Variants in RPS15A observed in about 807,000 individuals in gnomAD.
RPS15A encodes the protein small ribosomal subunit protein uS8.
For missense variants in RPS15A, 62 were observed against 163.4 expected, an observed-to-expected ratio of 0.38 and a Z score of 3.38; for synonymous variants, 55 against 58.5, an observed-to-expected ratio of 0.94 and a Z score of 0.27.
At chr16:18,788,752 T>TA in intron 2 of RPS15A, 1 of 480,338 alleles carries the variant, frequency 2.1e-6, no homozygotes, top group Non-Finnish European at 3.8e-6. Flanking sequence ...TTCAATGACT[T>TA]AGATTCATTT....
Position 18,782,629 on chromosome 16 carries a change from G to GCTGA in RPS15A, c.*379_*380insTCAG, listed in dbSNP as rs1903982809. On this transcript the variant is annotated 3_prime_UTR_variant, in exon 5 of 5. Coordinates refer to ENST00000322989, the MANE Select transcript of RPS15A (RefSeq NM_001019.5). ...CCCAGTTACTCAGGCGGCTGAGACA[G>GCTGA]GACAATCACTTGAACCCGGGAGGTG... is the stretch of plus-strand genomic sequence containing the variant. 2 of 160,570 alleles carry GCTGA rather than the reference G, an allele frequency of 1.2e-5. No individual in the cohort carries two copies. The highest frequency in any genetic ancestry group is 3.2e-4 in the South Asian group (2 of 6,310). 9.9% of individuals were successfully genotyped at this position (160,570 alleles called of 1,614,324 possible). A position where few individuals can be genotyped will look rare whatever the true frequency, so the allele number is the denominator to read the frequency against.
Position 18,788,190 on chromosome 16 carries a change from G to T in RPS15A, c.134-48C>A, listed in dbSNP as rs752717265. The T allele has an allele frequency of 3.4e-6, 4 of 1,186,502 alleles. No homozygotes were observed. The South Asian group carries it at 3.6e-5, about 11-fold the overall frequency. The allele number at this position is 1,186,502 out of a possible 1,614,324, so 73.5% of individuals were successfully genotyped here. A position where few individuals can be genotyped will look rare whatever the true frequency, so the allele number is the denominator to read the frequency against. On this transcript the variant is annotated intron_variant, in intron 2 of 4. Transcript: ENST00000322989. ...TTAAATAAAAGACATCAACTTGAGAGCTAAACCTCTGTGCTCTAGCCTACT... is the reference window on the plus strand; with the variant it reads ...TTAAATAAAAGACATCAACTTGAGATCTAAACCTCTGTGCTCTAGCCTACT...
intron 3 of RPS15A, among the ~76,000 whole-genome samples, chr16:18,787,826 C>A (rs181352600): frequency 6.6e-6 from 1 of 152,196 alleles, no homozygotes; most frequent in Non-Finnish European, 1.5e-5. Flanking sequence ...TTTCACCCCC[C>A]ATCTCTCCTG....
intron 4 of RPS15A, 157 bp downstream of exon 4, chr16:18,784,581 A>G: frequency 1.6e-6 from 1 of 617,124 alleles, no homozygotes; most frequent in South Asian, 2.1e-5. Flanking sequence ...GAAAAGAAAT[A>G]TGGATAACAC....
At chr16:18,783,529 C>T (rs73541339) in intron 4 of RPS15A, 11,846 of 387,236 alleles carry the variant, frequency 0.031, 1,214 homozygotes, top group African/African-American at 0.22. Flanking sequence ...TGAGTGGCTG[C>T]TTCATGAGTT....
intron 2 of RPS15A, 196 bp downstream of exon 2, chr16:18,788,785 C>T: frequency 1.8e-6 from 1 of 556,994 alleles, no homozygotes; most frequent in Non-Finnish European, 3.2e-6. Context: ...CCTAGCAGAG[C>T]TCCTTTTTCC....
Position 18,783,131 on chromosome 16 carries a change from A to G in RPS15A, c.300-29T>C, listed in dbSNP as rs147186474. The G allele has an allele frequency of 2.9e-3, 4,190 of 1,455,592 alleles. 9 individuals carry two copies. Among genetic ancestry groups the G allele is most frequent in the Non-Finnish European group, 3.3e-3 (3,418 of 1,039,790 alleles). The allele number at this position is 1,455,592 out of a possible 1,614,324, so 90.2% of individuals were successfully genotyped here. A position where few individuals can be genotyped will look rare whatever the true frequency, so the allele number is the denominator to read the frequency against. ...TGGAGTGGAAAAAGAAAGTGCTGGT[A>G]AGTTTAATAGTTCAACATAGTGCCT... On this transcript the variant is annotated intron_variant, in intron 4 of 4. Transcript: ENST00000322989.
At chr16:18,787,253 G>GGGAGAGAA (rs1567287745) in intron 3 of RPS15A, among the ~76,000 whole-genome samples, 1 of 152,212 alleles carries the variant, frequency 6.6e-6, no homozygotes, top group Non-Finnish European at 1.5e-5. Context: ...GGGTGTCCAA[G>GGGAGAGAA]GGAGAGAATA....
intron 4 of RPS15A, chr16:18,783,945 C>G (rs964396422): frequency 6.4e-6 from 2 of 312,032 alleles, no homozygotes; most frequent in African/African-American, 4.3e-5. Context: ...AGGCTTAGAA[C>G]TGATTCTGGC....
intron 3 of RPS15A, chr16:18,786,296 C>T (rs924611386): frequency 9.3e-5 from 18 of 193,170 alleles, no homozygotes; most frequent in African/African-American, 3.1e-4. Context: ...ACCTGGGAGA[C>T]AGAGGTTGCA....
intron 1 of RPS15A, 73 bp from the exon 2 acceptor site, chr16:18,789,191 G>C: frequency 2.1e-6 from 3 of 1,429,232 alleles, no homozygotes; most frequent in Non-Finnish European, 2.8e-6. Flanking sequence ...ATTACACTGC[G>C]GAAGTATCCT....
At chr16:18,784,524 G>T (rs1030724276) in intron 4 of RPS15A, 15 of 487,688 alleles carry the variant, frequency 3.1e-5, no homozygotes, top group Non-Finnish European at 5.1e-5. Flanking sequence ...AGGATCACAG[G>T]CGTGAGCCAC....
rs1903975280 is a variant in RPS15A at position 18,782,204 on chromosome 16, C to T, written c.*805G>A. 1.9e-5 allele frequency: 2 copies of T among 105,458 alleles called. No homozygotes were observed. Among genetic ancestry groups the T allele is most frequent in the South Asian group, 3.6e-4 (1 of 2,764 alleles). The allele number at this position is 105,458 out of a possible 1,614,324, so 6.5% of individuals were successfully genotyped here. A position where few individuals can be genotyped will look rare whatever the true frequency, so the allele number is the denominator to read the frequency against. On this transcript the variant is annotated 3_prime_UTR_variant, in exon 5 of 5. Transcript: ENST00000322989. ...CCCAGCTACTCAGGAGGCTGAGGCACGAGAACTACTTGAATCTGGGAAGCG... is the reference window on the plus strand; with the variant it reads ...CCCAGCTACTCAGGAGGCTGAGGCATGAGAACTACTTGAATCTGGGAAGCG...
At chr16:18,783,260 T>C (rs1191733878) in intron 4 of RPS15A, 158 bp from the exon 5 acceptor site, 3 of 578,856 alleles carry the variant, frequency 5.2e-6, no homozygotes, top group Non-Finnish European at 9.2e-6. Context: ...TCATGTAGCG[T>C]ATGAGCCATG....
rs1904022104 is a variant in RPS15A at position 18,784,882 on chromosome 16, A to T, written c.214-59T>A. Reference sequence around the variant, plus strand: ...CACTTTACCAATAACAGAAAAACTGAGTAACACAAGATGACATTCATAAAT... The same window carrying T: ...CACTTTACCAATAACAGAAAAACTGTGTAACACAAGATGACATTCATAAAT... On this transcript the variant is annotated intron_variant, in intron 3 of 4. Transcript: ENST00000322989. The T allele has an allele frequency of 3.0e-6, 4 of 1,343,090 alleles. No homozygotes were observed. In the East Asian group the frequency reaches 9.3e-5, roughly 31 times the overall value. 83.2% of individuals were successfully genotyped at this position (1,343,090 alleles called of 1,614,324 possible). A position where few individuals can be genotyped will look rare whatever the true frequency, so the allele number is the denominator to read the frequency against.
At position 18,782,729 on chromosome 16, in the gene RPS15A, G is replaced by GAAAAAAAAAAA. The variant is rs56008565; in HGVS notation, c.*269_*279dup. On this transcript the variant is annotated 3_prime_UTR_variant, in exon 5 of 5. Transcript: ENST00000322989. ...AGAGTCAGACTCTGTCTCCAAAAAA[G>GAAAAAAAAAAA]AAAAAAAAAAAAAAAAACTGAAATA... 1 of 162,162 alleles carries GAAAAAAAAAAA rather than the reference G, an allele frequency of 6.2e-6. No individual in the cohort carries two copies. The allele number at this position is 162,162 out of a possible 1,614,324, so 10.0% of individuals were successfully genotyped here. A position where few individuals can be genotyped will look rare whatever the true frequency, so the allele number is the denominator to read the frequency against.
chr16:18,789,128 G>T lies in RPS15A; in HGVS notation c.-5-10C>A. 3.1e-6 allele frequency: 5 copies of T among 1,606,472 alleles called. No individual in the cohort carries two copies. Among genetic ancestry groups the T allele is most frequent in the Non-Finnish European group, 3.4e-6 (4 of 1,176,708 alleles). On this transcript the variant is annotated splice_polypyrimidine_tract_variant and intron_variant, in intron 1 of 4. Coordinates refer to ENST00000322989, the MANE Select transcript of RPS15A (RefSeq NM_001019.5). ...ATGCGCACCATTGTGGCTGTTCAAGGAAGACAAAACAGGAGGTTTTACTGG... is the reference window on the plus strand; with the variant it reads ...ATGCGCACCATTGTGGCTGTTCAAGTAAGACAAAACAGGAGGTTTTACTGG...
intron 1 of RPS15A, among the ~76,000 whole-genome samples, chr16:18,789,429 C>A (rs1175302777): frequency 6.6e-6 from 1 of 152,210 alleles, no homozygotes; most frequent in African/African-American, 2.4e-5. Context: ...CCACTTGACA[C>A]AAGACAACGT....
chr16:18,784,435 C>CG (rs1904015129), intron 4 of RPS15A: 1 of 243,178 alleles, frequency 4.1e-6, no homozygotes, highest in Admixed American at 5.7e-5. Flanking sequence ...TAGGTAGACA[C>CG]GGGGTTCTCC....
Sources: gnomAD v4.1 joint callset for allele counts (sites outside exome capture counted in the v4.1 genomes callset) on GRCh38, gnomAD v4.1.1 for gene constraint, MANE v1.5 for transcripts, NCBI Gene and HGNC (gene_info 2026-07-23, HGNC 2026-07-21) for gene names.